UNC13C: variants seen among roughly 807,000 people sequenced by gnomAD.
UNC13C encodes the protein protein unc-13 homolog C.
In UNC13C, 174 loss-of-function variants were observed where a neutral mutation model predicts 245.4. The observed-to-expected ratio is 0.71, with a 90% CI of 0.63 to 0.80. The LOEUF is 0.80. UNC13C is among the 30% of genes least tolerant of loss of function. UNC13C has a pLI of 0.00. For missense variants in UNC13C, 2,829 were observed against 2,602.9 expected, an observed-to-expected ratio of 1.09 and a Z score of -1.89; for synonymous variants, 992 against 895.1, an observed-to-expected ratio of 1.11 and a Z score of -1.93.
the UNC13C span, among the ~76,000 whole-genome samples, chr15:53,854,562 C>T: frequency 6.6e-6 from 1 of 152,162 alleles, no homozygotes; most frequent in South Asian, 2.1e-4. Context: ...ATCCTTTCCC[C>T]ATTAATTGTT....
intron 17 of UNC13C, among the ~76,000 whole-genome samples, chr15:54,359,561 G>A (rs1279039422): frequency 2.0e-5 from 3 of 151,756 alleles, no homozygotes; most frequent in Admixed American, 2.0e-4. Flanking sequence ...TCATGATTCA[G>A]TCTTGGTAGG....
chr15:54,314,571 C>G (rs1171594326), intron 13 of UNC13C, among the ~76,000 whole-genome samples: 3 of 151,652 alleles, frequency 2.0e-5, no homozygotes, highest in Non-Finnish European at 4.4e-5. Flanking sequence ...CTTACCTGCT[C>G]TGTGACTTTA....
At chr15:54,263,186 A>T (rs2036470089) in intron 8 of UNC13C, among the ~76,000 whole-genome samples, 1 of 152,164 alleles carries the variant, frequency 6.6e-6, no homozygotes, top group African/African-American at 2.4e-5. Context: ...CTATGAACAC[A>T]AGTCTTTCGA....
intron 17 of UNC13C, among the ~76,000 whole-genome samples, chr15:54,377,295 A>G (rs1417410043): frequency 6.6e-6 from 1 of 152,200 alleles, no homozygotes; most frequent in African/African-American, 2.4e-5. Flanking sequence ...GCCATATTCT[A>G]TTGGTCAAAG....
chr15:54,433,433 G>A (rs554438052), intron 19 of UNC13C, among the ~76,000 whole-genome samples: 5 of 152,114 alleles, frequency 3.3e-5, no homozygotes, highest in African/African-American at 7.2e-5. Flanking sequence ...TTCAACATAT[G>A]CAAATCAATG....
At chr15:54,279,257 C>T (rs2036914706) in intron 10 of UNC13C, among the ~76,000 whole-genome samples, 1 of 152,158 alleles carries the variant, frequency 6.6e-6, no homozygotes, top group Non-Finnish European at 1.5e-5. Flanking sequence ...ACCAACATTA[C>T]TATTTGTGAA....
intron 2 of UNC13C, among the ~76,000 whole-genome samples, chr15:54,077,371 CTTTTCTTTTT>C (rs1289098440): frequency 2.8e-5 from 2 of 71,730 alleles, no homozygotes; most frequent in Admixed American, 2.1e-4. Context: ...CTTTTCTTTT[CTTTTCTTTTT>C]TTTTTTTTTT....
intron 2 of UNC13C, among the ~76,000 whole-genome samples, chr15:54,043,635 C>T (rs1256711255): frequency 6.6e-6 from 1 of 152,184 alleles, no homozygotes; most frequent in Non-Finnish European, 1.5e-5. Context: ...AAACAGGTTT[C>T]TACTCTTGCC....
At chr15:54,300,149 G>A (rs1296294144) in intron 12 of UNC13C, 61 bp from the exon 13 acceptor site, 1 of 1,494,578 alleles carries the variant, frequency 6.7e-7, no homozygotes, top group Non-Finnish European at 9.0e-7. Flanking sequence ...GGAAGTTTTA[G>A]TTAAATGTTT....
chr15:54,191,338 A>T (rs2034174162), intron 4 of UNC13C, among the ~76,000 whole-genome samples: 1 of 152,076 alleles, frequency 6.6e-6, no homozygotes, highest in African/African-American at 2.4e-5. Flanking sequence ...GCTGAGAATG[A>T]TAGTTTCCAG....
chr15:54,171,726 C>G (rs764938910), intron 4 of UNC13C, among the ~76,000 whole-genome samples: 1 of 151,962 alleles, frequency 6.6e-6, no homozygotes, highest in Non-Finnish European at 1.5e-5. Flanking sequence ...ATAGAGCCAC[C>G]GTATGATCCA....
chr15:53,959,438 T>A, the UNC13C span, among the ~76,000 whole-genome samples: 2 of 152,160 alleles, frequency 1.3e-5, no homozygotes, highest in Non-Finnish European at 2.9e-5. Flanking sequence ...TTTCTCCATA[T>A]CCTCACCAGC....
intron 10 of UNC13C, among the ~76,000 whole-genome samples, chr15:54,268,091 T>A (rs1008124295): frequency 2.0e-5 from 3 of 152,038 alleles, no homozygotes; most frequent in African/African-American, 7.2e-5. Context: ...ATTAGGTATT[T>A]GTCCTAATGC....
chr15:54,039,465 A>T (rs1896722856), intron 2 of UNC13C, among the ~76,000 whole-genome samples: 1 of 152,224 alleles, frequency 6.6e-6, no homozygotes, highest in Non-Finnish European at 1.5e-5. Flanking sequence ...ACTAAAGTCA[A>T]GCTAATGAAA....
intron 19 of UNC13C, among the ~76,000 whole-genome samples, chr15:54,435,274 T>A (rs891492725): frequency 1.3e-5 from 2 of 152,108 alleles, no homozygotes; most frequent in African/African-American, 4.8e-5. Flanking sequence ...CAAAGACACA[T>A]GCACACATAT....
intron 8 of UNC13C, among the ~76,000 whole-genome samples, chr15:54,253,120 A>C (rs1018026092): frequency 1.3e-5 from 2 of 152,246 alleles, no homozygotes; most frequent in Admixed American, 1.3e-4. Context: ...AAGAAATTAA[A>C]TTCTCTACAT....
chr15:53,956,305 G>A, the UNC13C span, among the ~76,000 whole-genome samples: 4 of 152,190 alleles, frequency 2.6e-5, no homozygotes, highest in East Asian at 1.9e-4. Flanking sequence ...AAAGCTACAC[G>A]TGTACCACCT....
intron 18 of UNC13C, among the ~76,000 whole-genome samples, chr15:54,404,103 A>G (rs1400741353): frequency 6.6e-6 from 1 of 152,220 alleles, no homozygotes; most frequent in African/African-American, 2.4e-5. Context: ...AAGTTTTATA[A>G]TGTAAAAAGG....
intron 1 of UNC13C, among the ~76,000 whole-genome samples, chr15:53,990,358 A>C (rs1894330763): frequency 6.6e-6 from 1 of 151,948 alleles, no homozygotes; most frequent in African/African-American, 2.4e-5. Flanking sequence ...AAACCCAGCA[A>C]AGTTTAGGAA....
Sources: allele counts gnomAD v4.1 joint callset (sites outside exome capture counted in the v4.1 genomes callset), GRCh38; gene constraint gnomAD v4.1.1; transcripts MANE v1.5; gene names NCBI Gene and HGNC (gene_info 2026-07-23, HGNC 2026-07-21).